The following SDK1 variants were observed in gnomAD, a reference collection of about 807,000 sequenced individuals.
SDK1 encodes the protein sidekick cell adhesion molecule 1, also known as protein sidekick-1.
Under a neutral mutation model 245.5 loss-of-function variants are expected in SDK1, and 157 were observed. The observed-to-expected ratio is 0.64, with a 90% CI of 0.56 to 0.73. The LOEUF is 0.73. SDK1 is among the 30% of genes least tolerant of loss of function. The pLI, the probability that SDK1 is intolerant of heterozygous loss-of-function variation, is 0.00. For missense variants in SDK1, 3,583 were observed against 3,002.3 expected (o/e 1.19, Z -4.52); for synonymous variants, 1,647 against 1,278.5 (o/e 1.29, Z -6.15).
At chr7:4,165,039 C>A (rs1339818026) in intron 32 of SDK1, among the ~76,000 whole-genome samples, 1 of 152,126 alleles carries the variant, frequency 6.6e-6, no homozygotes, top group Non-Finnish European at 1.5e-5. Flanking sequence ...CACCTGTAAA[C>A]CTTTTGTGTT....
chr7:3,665,969 C>A (rs1341290494), intron 4 of SDK1, among the ~76,000 whole-genome samples: 1 of 152,284 alleles, frequency 6.6e-6, no homozygotes, highest in Non-Finnish European at 1.5e-5. Flanking sequence ...GGTTGGCTCA[C>A]ACTTCCTATT....
chr7:3,499,268 T>A (rs985938772), intron 1 of SDK1, among the ~76,000 whole-genome samples: 2 of 152,248 alleles, frequency 1.3e-5, no homozygotes, highest in African/African-American at 2.4e-5. Context: ...TGTGCAACAG[T>A]AACTTGCTTA....
intron 5 of SDK1, among the ~76,000 whole-genome samples, chr7:3,939,286 T>C (rs1459872644): frequency 6.6e-6 from 1 of 152,240 alleles, no homozygotes. Flanking sequence ...GATTGCCTTC[T>C]GGATGATGAA....
At chr7:3,614,807 C>G (rs1003655198) in intron 1 of SDK1, among the ~76,000 whole-genome samples, 2 of 151,934 alleles carry the variant, frequency 1.3e-5, no homozygotes, top group African/African-American at 4.8e-5. Flanking sequence ...ATTTTCCCTT[C>G]CCTTCTCCTT....
At chr7:3,683,629 T>G (rs1784180405) in intron 4 of SDK1, among the ~76,000 whole-genome samples, 1 of 152,122 alleles carries the variant, frequency 6.6e-6, no homozygotes, top group Non-Finnish European at 1.5e-5. Context: ...CAGCTAACAT[T>G]CCCTGCGCCT....
At chr7:3,589,628 A>G (rs1261898601) in intron 1 of SDK1, among the ~76,000 whole-genome samples, 1 of 152,190 alleles carries the variant, frequency 6.6e-6, no homozygotes, top group Non-Finnish European at 1.5e-5. Flanking sequence ...AGGAGTACAG[A>G]CACGTCTTAA....
rs1368458123 is a variant in SDK1 at position 4,265,635 on chromosome 7, CA to C, written c.*252del. On this transcript the variant is annotated 3_prime_UTR_variant, in exon 45 of 45. Coordinates refer to ENST00000404826, the MANE Select transcript of SDK1 (RefSeq NM_152744.4). ...TTTCTTTTTAAGAGAAGGTGTATTT[CA>C]CTGGTGCAATGGCTTGGCACCTCCG... 1 of 1,303,888 alleles carries C rather than the reference CA, an allele frequency of 7.7e-7. No individual in the cohort carries two copies. The highest frequency in any genetic ancestry group is 9.7e-7 in the Non-Finnish European group (1 of 1,033,212). The allele number at this position is 1,303,888 out of a possible 1,614,324, so 80.8% of individuals were successfully genotyped here.
At chr7:3,562,030 G>A (rs1583168188) in intron 1 of SDK1, among the ~76,000 whole-genome samples, 1 of 152,156 alleles carries the variant, frequency 6.6e-6, no homozygotes, top group Non-Finnish European at 1.5e-5. Flanking sequence ...TTAGGCCTCC[G>A]TTTTTCAACA....
chr7:4,011,703 T>A (rs1785979145), intron 15 of SDK1, among the ~76,000 whole-genome samples: 1 of 151,724 alleles, frequency 6.6e-6, no homozygotes. Context: ...AATGCCTTTC[T>A]TTTTTTTTCT....
At chr7:3,857,923 C>G (rs1377873842) in intron 5 of SDK1, among the ~76,000 whole-genome samples, 1 of 152,096 alleles carries the variant, frequency 6.6e-6, no homozygotes, top group Non-Finnish European at 1.5e-5. Context: ...ATCTATAGAA[C>G]TTTAATGACG....
At chr7:4,210,202 C>T in intron 38 of SDK1, 40 bp downstream of exon 38, 1 of 1,485,462 alleles carries the variant, frequency 6.7e-7, no homozygotes, top group Non-Finnish European at 9.0e-7. Flanking sequence ...GCGGGCCACA[C>T]CAGTGCCCAG....
intron 8 of SDK1, among the ~76,000 whole-genome samples, chr7:3,959,410 C>G (rs1347166156): frequency 6.6e-6 from 1 of 152,072 alleles, no homozygotes; most frequent in Non-Finnish European, 1.5e-5. Flanking sequence ...CACAGCCACT[C>G]TAGAAAGGGA....
intron 5 of SDK1, among the ~76,000 whole-genome samples, chr7:3,859,834 C>A (rs188010370): frequency 2.0e-5 from 3 of 151,920 alleles, no homozygotes; most frequent in Non-Finnish European, 4.4e-5. Flanking sequence ...ATGCAAAATA[C>A]AAAACTGTAC....
chr7:3,535,778 C>T (rs1016032870), intron 1 of SDK1, among the ~76,000 whole-genome samples: 18 of 152,098 alleles, frequency 1.2e-4, no homozygotes, highest in Admixed American at 6.6e-4. Context: ...CACCCCCACT[C>T]AAAATAGATT....
intron 1 of SDK1, among the ~76,000 whole-genome samples, chr7:3,357,080 CTTCT>C (rs1780819624): frequency 7.0e-6 from 1 of 142,902 alleles, no homozygotes; most frequent in African/African-American, 2.5e-5. Context: ...AAAAAAGATA[CTTCT>C]TTCTGTTAAA....
chr7:3,926,643 T>G (rs891299995), intron 5 of SDK1, among the ~76,000 whole-genome samples: 2 of 152,118 alleles, frequency 1.3e-5, no homozygotes, highest in Non-Finnish European at 2.9e-5. Context: ...CCTTCTACAG[T>G]GCTGGGATTG....
chr7:3,622,547 G>T (rs74572540), intron 2 of SDK1, among the ~76,000 whole-genome samples: 1 of 152,098 alleles, frequency 6.6e-6, no homozygotes, highest in East Asian at 1.9e-4. Flanking sequence ...ACAAAAAACT[G>T]TTATATATGC....
intron 5 of SDK1, among the ~76,000 whole-genome samples, chr7:3,844,063 C>T (rs1020956560): frequency 7.9e-5 from 12 of 152,218 alleles, no homozygotes; most frequent in Admixed American, 3.9e-4. Flanking sequence ...CTCCACCTCC[C>T]GGGTTCAAGT....
chr7:3,374,124 A>C (rs982294248), intron 1 of SDK1, among the ~76,000 whole-genome samples: 2 of 152,014 alleles, frequency 1.3e-5, no homozygotes, highest in Non-Finnish European at 2.9e-5. Flanking sequence ...GGAGCAATGG[A>C]AGTCTTGGAT....
Sources: gnomAD v4.1 joint callset for allele counts (sites outside exome capture counted in the v4.1 genomes callset) on GRCh38, gnomAD v4.1.1 for gene constraint, MANE v1.5 for transcripts, NCBI Gene and HGNC (gene_info 2026-07-23, HGNC 2026-07-21) for gene names.